SLC41A3: variants seen among roughly 807,000 people sequenced by gnomAD.
SLC41A3 encodes the protein solute carrier family 41 member 3.
SLC41A3 carries 44 observed loss-of-function variants against 45.4 expected under a neutral mutation model. The ratio of observed to expected loss-of-function variants is 0.97; its 90% CI spans 0.76 to 1.25. The LOEUF (loss-of-function observed/expected upper bound fraction) is 1.25. SLC41A3 is among the 50% of genes most tolerant of loss of function. The probability of loss-of-function intolerance (pLI) is 0.00; values close to 1 mark genes in which losing one functional copy is unlikely to be tolerated. For synonymous variants in SLC41A3, 256 were observed against 252.4 expected (o/e 1.01, Z -0.13); for missense variants, 550 against 600.6 (o/e 0.92, Z 0.88).
intron 1 of SLC41A3, among the ~76,000 whole-genome samples, chr3:126,098,101 C>T (rs552146487): frequency 2.5e-4 from 38 of 152,328 alleles, no homozygotes; most frequent in South Asian, 2.5e-3. Context: ...AATAAAGTCT[C>T]ATACAATGTT....
chr3:126,086,909 C>T (rs556135494), upstream of SLC41A3, among the ~76,000 whole-genome samples: 655 of 152,144 alleles, frequency 4.3e-3, 2 homozygotes, highest in Middle Eastern at 6.8e-3. Flanking sequence ...AAAATAAAAG[C>T]ACTTAAATAC....
Position 126,026,287 on chromosome 3 carries a change from C to CA in SLC41A3, c.598+47dup, listed in dbSNP as rs1330576100. 6.5e-7 allele frequency: 1 copy of CA among 1,549,166 alleles called. No homozygotes were observed. The highest frequency in any genetic ancestry group is 8.7e-7 in the Non-Finnish European group (1 of 1,145,618). On this transcript the variant is annotated intron_variant, in intron 5 of 10. Coordinates refer to ENST00000360370, the MANE Select transcript of SLC41A3 (RefSeq NM_017836.4). This position sits in a 1 kb window ranked among gnomAD's most constrained non-coding sequence, Gnocchi z 4.2. ...CACAATGAGCTCTGAGGTGGGACCTCAGAGGAGCAGGGAGCGGGTGGGGGC... is the reference window on the plus strand; with the variant it reads ...CACAATGAGCTCTGAGGTGGGACCTCAAGAGGAGCAGGGAGCGGGTGGGGGC...
At chr3:126,096,127 G>A (rs1335405140) in intron 1 of SLC41A3, among the ~76,000 whole-genome samples, 7 of 152,198 alleles carry the variant, frequency 4.6e-5, no homozygotes, top group African/African-American at 7.2e-5. Context: ...AGGCACACCT[G>A]ACCTTAATGC....
At position 126,008,898 on chromosome 3, in the gene SLC41A3, A is replaced by T. The variant is rs1207621865; in HGVS notation, c.1106-18T>A. ...ATTGATTTCTGAAAGAAACAGAACC[A>T]AGAAGGTCATGTGACCTGAAGCGAG... is the stretch of plus-strand genomic sequence containing the variant. On this transcript the variant is annotated intron_variant, in intron 9 of 10. Coordinates refer to ENST00000360370, the MANE Select transcript of SLC41A3 (RefSeq NM_017836.4). The T allele has an allele frequency of 5.6e-6, 9 of 1,613,032 alleles. No homozygotes were observed. In the South Asian group the frequency reaches 9.9e-5, roughly 18 times the overall value.
chr3:126,028,403 G>A (rs529454905), intron 4 of SLC41A3, among the ~76,000 whole-genome samples: 10 of 152,250 alleles, frequency 6.6e-5, no homozygotes, highest in Admixed American at 2.0e-4. Flanking sequence ...AGGATGCAAC[G>A]CATAAGCCTT....
intron 1 of SLC41A3, among the ~76,000 whole-genome samples, chr3:126,068,761 C>T (rs1944476269): frequency 6.6e-6 from 1 of 152,154 alleles, no homozygotes. Context: ...GCAGTGAGAG[C>T]CAGCAGCCTG....
chr3:126,068,244 G>T lies in SLC41A3; in HGVS notation c.-25C>A. Reference sequence around the variant, plus strand: ...TCTGGGCACAGCTGGGCGCCTGGCAGCCCTACAGTGGGAGACACAAAGTTG... The same window carrying T: ...TCTGGGCACAGCTGGGCGCCTGGCATCCCTACAGTGGGAGACACAAAGTTG... On this transcript the variant is annotated splice_region_variant and 5_prime_UTR_variant, in exon 2 of 11. It adds an upstream start codon to the 5' untranslated region. Transcript: ENST00000360370. 6.7e-7 allele frequency: 1 copy of T among 1,494,932 alleles called. No homozygotes were observed. 92.6% of individuals were successfully genotyped at this position (1,494,932 alleles called of 1,614,324 possible). A position where few individuals can be genotyped will look rare whatever the true frequency, so the allele number is the denominator to read the frequency against.
chr3:126,030,133 G>A (rs1576259023), intron 4 of SLC41A3, among the ~76,000 whole-genome samples: 1 of 130,374 alleles, frequency 7.7e-6, no homozygotes. Flanking sequence ...ATTATAATAT[G>A]TATAATATAT....
rs555856280 is a variant in SLC41A3, at chr3:126,074,688, T to TG, written c.-27-6443_-27-6442insC. ...TGGGTTGTTTGGTTGTTGTTTTTTT[T>TG]TTGTTGTTTTGAGACAGGCTCTCAC... is the stretch of plus-strand genomic sequence containing the variant. On this transcript the variant is annotated intron_variant, in intron 1 of 10. Transcript: ENST00000360370. Among the ~76,000 whole-genome samples the TG allele has an allele frequency of 4.4e-3, 669 of 152,028 alleles. 4 individuals are homozygous for TG. The highest frequency in any genetic ancestry group is 0.015 in the African/African-American group (632 of 41,360).
At chr3:126,040,445 GA>G (rs1237112250) in intron 3 of SLC41A3, among the ~76,000 whole-genome samples, 2 of 152,176 alleles carry the variant, frequency 1.3e-5, no homozygotes, top group African/African-American at 2.4e-5. Flanking sequence ...AACGACAGAG[GA>G]AAGGCCTATT....
At chr3:126,065,561 T>C (rs1393981447) in intron 2 of SLC41A3, among the ~76,000 whole-genome samples, 2 of 152,218 alleles carry the variant, frequency 1.3e-5, no homozygotes, top group Admixed American at 1.3e-4. Flanking sequence ...CAGAGAGTTT[T>C]TCTTCTTCAT....
At chr3:126,094,080 T>C (rs1945546729) in intron 1 of SLC41A3, among the ~76,000 whole-genome samples, 1 of 152,198 alleles carries the variant, frequency 6.6e-6, no homozygotes, top group South Asian at 2.1e-4. Context: ...TCTGTACCTA[T>C]AAATTTATAG....
intron 2 of SLC41A3, chr3:126,056,683 G>C (rs1183452949): frequency 1.1e-5 from 16 of 1,450,592 alleles, no homozygotes; most frequent in Non-Finnish European, 1.4e-5. Flanking sequence ...CAGTCACCAG[G>C]TGCCCTGTGC....
At chr3:126,007,548 A>G (rs1304121504) in intron 10 of SLC41A3, among the ~76,000 whole-genome samples, 1 of 152,120 alleles carries the variant, frequency 6.6e-6, no homozygotes, top group Non-Finnish European at 1.5e-5. Context: ...CTTTGCCGAG[A>G]TGTCCATTTG....
At chr3:126,067,405 T>C in intron 2 of SLC41A3, 1 of 172,568 alleles carries the variant, frequency 5.8e-6, no homozygotes, top group South Asian at 1.1e-4. Flanking sequence ...AATGAGGTCA[T>C]TAGGGTGGGC....
chr3:126,085,602 T>C (rs554535353), upstream of SLC41A3: 1 of 152,338 alleles, frequency 6.6e-6, no homozygotes, highest in African/African-American at 2.4e-5. Flanking sequence ...GTTTAAGGAT[T>C]CTAATTCTAG....
chr3:126,032,579 C>T (rs1415057553), intron 4 of SLC41A3, among the ~76,000 whole-genome samples: 1 of 152,178 alleles, frequency 6.6e-6, no homozygotes, highest in Non-Finnish European at 1.5e-5. Context: ...CCTCAGTGGG[C>T]TGATTCCCAA....
upstream of SLC41A3, chr3:126,084,207 C>G (rs1248403922): frequency 6.6e-6 from 1 of 151,978 alleles, no homozygotes; most frequent in African/African-American, 2.4e-5. Context: ...CCCGGCCGGG[C>G]GGCCGGACCT....
At chr3:126,057,293 A>C in intron 2 of SLC41A3, 1 of 438,734 alleles carries the variant, frequency 2.3e-6, no homozygotes, top group Non-Finnish European at 3.0e-6. Flanking sequence ...ACTCATAAAC[A>C]TGCTTCCAAA....
Sources: allele counts gnomAD v4.1 joint callset (sites outside exome capture counted in the v4.1 genomes callset), GRCh38; gene constraint gnomAD v4.1.1; non-coding constraint Gnocchi (gnomAD v3.1); transcripts MANE v1.5; gene names NCBI Gene and HGNC (gene_info 2026-07-23, HGNC 2026-07-21).